Variants in CYFIP2 observed in about 807,000 individuals in gnomAD.
CYFIP2 encodes cytoplasmic FMR1 interacting protein 2.
In CYFIP2, 29 loss-of-function variants were observed where a neutral mutation model predicts 158.7. That is an observed-to-expected ratio of 0.18 (90% CI 0.14 to 0.25). CYFIP2 has a LOEUF of 0.25. Ranked by LOEUF, CYFIP2 falls within the 10% of genes least tolerant of loss-of-function variation. CYFIP2 has a pLI of 1.00. For missense variants in CYFIP2, 852 were observed against 1,639.5 expected, an observed-to-expected ratio of 0.52 and a Z score of 8.29; for synonymous variants, 585 against 617.6, an observed-to-expected ratio of 0.95 and a Z score of 0.78.
intron 6 of CYFIP2, among the ~76,000 whole-genome samples, chr5:157,302,358 A>C (rs1758829199): frequency 1.3e-5 from 2 of 152,162 alleles, no homozygotes; most frequent in African/African-American, 4.8e-5. Context: ...GAAACGTTGA[A>C]GTTTTCCTGT....
intron 24 of CYFIP2, among the ~76,000 whole-genome samples, chr5:157,359,930 G>T (rs1011913199): frequency 6.6e-6 from 1 of 152,178 alleles, no homozygotes; most frequent in Non-Finnish European, 1.5e-5. Flanking sequence ...GCACAGGAGG[G>T]ATGAATGTGC....
rs937120315 is a variant in CYFIP2 at position 157,395,257 on chromosome 5, G to C, written c.*2257G>C. On this transcript the variant is annotated 3_prime_UTR_variant, in exon 31 of 31. Coordinates refer to ENST00000620254, the MANE Select transcript of CYFIP2 (RefSeq NM_001037333.3). ...TGAGTTTAATATTCTTTCCTCCTTG[G>C]CATTACTGCCCCAGCCTCTTTTTAT... The C allele has an allele frequency of 3.7e-6, 1 of 270,504 alleles. No homozygotes were observed. The highest frequency in any genetic ancestry group is 7.1e-6 in the Non-Finnish European group (1 of 141,392). 16.8% of individuals were successfully genotyped at this position (270,504 alleles called of 1,614,324 possible).
chr5:157,294,484 T>A (rs915074983), intron 3 of CYFIP2, among the ~76,000 whole-genome samples: 2 of 152,224 alleles, frequency 1.3e-5, no homozygotes, highest in Non-Finnish European at 2.9e-5. Context: ...GGGGGGCACA[T>A]AGCTCTGCCC....
At chr5:157,285,265 T>C in intron 1 of CYFIP2, 74 bp from the exon 2 acceptor site, 1 of 960,840 alleles carries the variant, frequency 1.0e-6, no homozygotes, top group Non-Finnish European at 1.6e-6. Context: ...CAAAGGATGC[T>C]GGTCATGGTG....
chr5:157,389,206 C>T lies in CYFIP2; in HGVS notation c.3225C>T (p.Arg1075=), dbSNP rs369693364. Residue 1075 remains arginine (R), a synonymous_variant, in exon 29 of 31, where the codon CGC becomes CGT. Coordinates refer to ENST00000620254, the MANE Select transcript of CYFIP2 (RefSeq NM_001037333.3). The part of the protein sequence containing the change: ...LGTPQQIAIA[R]EGDLLTKERL... The stretch of plus-strand genomic sequence containing the variant: ...GTTTCCAGCAAATCGCCATTGCTCG[C>T]GAGGGTGACCTCCTGACCAAGGAGC... The T allele has an allele frequency of 2.3e-4, 370 of 1,611,592 alleles. 1 individual carries two copies. Among genetic ancestry groups the T allele is most frequent in the Admixed American group, 1.2e-4 (7 of 59,838 alleles).
intron 3 of CYFIP2, among the ~76,000 whole-genome samples, chr5:157,287,770 G>A (rs1757508134): frequency 6.6e-6 from 1 of 152,120 alleles, no homozygotes; most frequent in African/African-American, 2.4e-5. Context: ...GCTATAACAA[G>A]GAAACTGCAG....
chr5:157,282,046 T>C (rs1214479508), intron 1 of CYFIP2, among the ~76,000 whole-genome samples: 1 of 152,182 alleles, frequency 6.6e-6, no homozygotes, highest in East Asian at 1.9e-4. Context: ...AGTGGCACCA[T>C]AGTTTATCCA....
chr5:157,331,385 A>G (rs1761449052), intron 20 of CYFIP2, among the ~76,000 whole-genome samples: 1 of 149,830 alleles, frequency 6.7e-6, no homozygotes, highest in Admixed American at 6.7e-5. Flanking sequence ...GACAGACAGC[A>G]TAAGAGATGC....
rs1767522164 is a variant in CYFIP2 at position 157,393,621 on chromosome 5, C to T, written c.*621C>T. ...TAGAGAGAGGTCCAAAAAGCATTCACAGCTGTATCACACTCTATGCAGGTG... is the reference window on the plus strand; with the variant it reads ...TAGAGAGAGGTCCAAAAAGCATTCATAGCTGTATCACACTCTATGCAGGTG... On this transcript the variant is annotated 3_prime_UTR_variant, in exon 31 of 31. Transcript: ENST00000620254. The T allele has an allele frequency of 6.6e-6, 1 of 152,526 alleles. No individual in the cohort carries two copies. Among genetic ancestry groups the T allele is most frequent in the Non-Finnish European group, 1.5e-5 (1 of 68,296 alleles). The allele number at this position is 152,526 out of a possible 1,614,324, so 9.4% of individuals were successfully genotyped here. A position where few individuals can be genotyped will look rare whatever the true frequency, so the allele number is the denominator to read the frequency against.
intron 24 of CYFIP2, among the ~76,000 whole-genome samples, chr5:157,359,639 C>T (rs917348666): frequency 1.3e-5 from 2 of 152,214 alleles, no homozygotes; most frequent in Non-Finnish European, 2.9e-5. Context: ...TTCTGTATCC[C>T]TTTACCACTA....
intron 1 of CYFIP2, among the ~76,000 whole-genome samples, chr5:157,267,633 G>C (rs1321777640): frequency 6.6e-6 from 1 of 152,230 alleles, no homozygotes; most frequent in African/African-American, 2.4e-5. Flanking sequence ...TGTTTATCTT[G>C]AAGAGCTAAA....
intron 2 of CYFIP2, among the ~76,000 whole-genome samples, chr5:157,286,344 A>ATG (rs546627602): frequency 6.6e-5 from 10 of 150,470 alleles, no homozygotes; most frequent in East Asian, 1.9e-4. Flanking sequence ...ATACATATAT[A>ATG]TGTGTGTGTG....
intron 26 of CYFIP2, among the ~76,000 whole-genome samples, chr5:157,368,139 T>C (rs1192035454): frequency 6.6e-6 from 1 of 152,228 alleles, no homozygotes; most frequent in Non-Finnish European, 1.5e-5. Context: ...TTAGTAGTTA[T>C]AAAAGCAGTA....
intron 3 of CYFIP2, among the ~76,000 whole-genome samples, chr5:157,288,245 T>C (rs1442473533): frequency 6.6e-6 from 1 of 152,152 alleles, no homozygotes; most frequent in African/African-American, 2.4e-5. Context: ...GGGTCCAAAC[T>C]CATCCTTTAT....
At chr5:157,390,748 G>C (rs1015228736) in intron 30 of CYFIP2, 80 bp downstream of exon 30, 4 of 1,541,794 alleles carry the variant, frequency 2.6e-6, no homozygotes, top group Non-Finnish European at 2.6e-6. Flanking sequence ...AAACAAGGAG[G>C]AGCTGCTTGT....
At chr5:157,352,329 C>T (rs1763127311) in intron 23 of CYFIP2, among the ~76,000 whole-genome samples, 1 of 152,260 alleles carries the variant, frequency 6.6e-6, no homozygotes, top group East Asian at 1.9e-4. Flanking sequence ...TCCTTAGGAC[C>T]CAGAACCCAG....
At chr5:157,321,881 A>G (rs11957485) in intron 15 of CYFIP2, among the ~76,000 whole-genome samples, 48,783 of 152,130 alleles carry the variant, frequency 0.32, 8,642 homozygotes, top group African/African-American at 0.48. Context: ...GTTCTGTGTA[A>G]TATCAAGGGT....
intron 23 of CYFIP2, 109 bp from the exon 24 acceptor site, chr5:157,358,896 G>A (rs745621442): frequency 1.1e-5 from 15 of 1,412,526 alleles, no homozygotes; most frequent in Admixed American, 1.7e-5. Context: ...CAGTGAGCAC[G>A]CTCGTAACAC....
At chr5:157,332,575 T>TA (rs779876446) in intron 20 of CYFIP2, among the ~76,000 whole-genome samples, 12 of 152,214 alleles carry the variant, frequency 7.9e-5, no homozygotes, top group Middle Eastern at 3.2e-3. Flanking sequence ...TCGTCCCAGT[T>TA]ATGTCCTTTG....
Sources: gnomAD v4.1 joint callset for allele counts (sites outside exome capture counted in the v4.1 genomes callset) on GRCh38, gnomAD v4.1.1 for gene constraint, MANE v1.5 for transcripts, NCBI Gene and HGNC (gene_info 2026-07-23, HGNC 2026-07-21) for gene names.